CACHD1: variants seen among roughly 807,000 people sequenced by gnomAD.
CACHD1 encodes cache domain containing 1.
CACHD1 carries 71 observed loss-of-function variants against 138.7 expected under a neutral mutation model. That is an observed-to-expected ratio of 0.51 (90% confidence interval 0.42 to 0.62). CACHD1 has a LOEUF of 0.62. CACHD1 is among the 20% of genes least tolerant of loss of function. CACHD1 has a pLI of 0.00. For missense variants in CACHD1, 1,389 were observed against 1,625.3 expected (o/e 0.85, Z 2.50); for synonymous variants, 578 against 591.5 (o/e 0.98, Z 0.33).
rs769235180 is a variant in CACHD1 at position 64,675,505 on chromosome 1, C to T, written c.2832C>T (p.Asp944=). Residue 944 remains aspartate (D), a synonymous_variant, in exon 20 of 27, where the codon GAC becomes GAT. Transcript: ENST00000651257. ...TTGGCATTGTCAACGAAACCTGCGA[C>T]TCTCTTGCCTTCTGTGCCTGCAGCA... ...AFVGIVNETC[D]SLAFCACSMV... is the part of the protein sequence containing the mutation. 2 of 1,613,382 alleles carry T rather than the reference C, an allele frequency of 1.2e-6. No individual in the cohort carries two copies. The highest frequency in any genetic ancestry group is 1.7e-5 in the Admixed American group (1 of 60,002).
chr1:64,583,310 A>T (rs1647026300), intron 3 of CACHD1, among the ~76,000 whole-genome samples: 1 of 152,172 alleles, frequency 6.6e-6, no homozygotes, highest in South Asian at 2.1e-4. Flanking sequence ...AGAAACTCAT[A>T]CTAGTTGTTC....
intron 12 of CACHD1, among the ~76,000 whole-genome samples, chr1:64,657,152 C>T (rs78427215): frequency 0.013 from 1,905 of 152,250 alleles, 41 homozygotes; most frequent in African/African-American, 0.043. Context: ...AAGGTATTCA[C>T]ATGTTCCCAT....
At chr1:64,656,268 TACAC>T (rs1304112586) in intron 12 of CACHD1, among the ~76,000 whole-genome samples, 3 of 152,256 alleles carry the variant, frequency 2.0e-5, no homozygotes, top group African/African-American at 7.2e-5. Flanking sequence ...TGTTTGGTAA[TACAC>T]ATTTGAGGAA....
chr1:64,582,199 T>C lies in CACHD1; in HGVS notation c.305T>C (p.Val102Ala). The C allele has an allele frequency of 1.2e-6, 2 of 1,614,014 alleles. No individual in the cohort carries two copies. Among genetic ancestry groups the C allele is most frequent in the Non-Finnish European group, 1.7e-6 (2 of 1,179,894 alleles). Reference protein sequence around the residue: ...IREKFNRYLDVVNRNKQVVEA... With the variant: ...IREKFNRYLDAVNRNKQVVEA... ...GAGAAGTTCAACCGTTACTTGGATGTGGTCAATCGGAACAAGCAAGTTGTA... is the reference window on the plus strand; with the variant it reads ...GAGAAGTTCAACCGTTACTTGGATGCGGTCAATCGGAACAAGCAAGTTGTA... The change falls in exon 3 of 27, where the codon GTG (valine) becomes GCG (alanine). Residue 102 changes from valine (V) to alanine (A), a missense_variant. Val to Ala is a moderately conservative substitution (Grantham distance 64, BLOSUM62 0). This residue lies in a region of CACHD1 where 1,000 missense variants were observed against 1,114.7 expected (regional missense o/e 0.90). Coordinates refer to ENST00000651257, the MANE Select transcript of CACHD1 (RefSeq NM_020925.4).
chr1:64,528,447 T>C (rs965327462), intron 1 of CACHD1, among the ~76,000 whole-genome samples: 2 of 152,210 alleles, frequency 1.3e-5, no homozygotes, highest in East Asian at 3.8e-4. Context: ...TAGGGAATCT[T>C]AATTATTTTT....
At chr1:64,678,342 T>C (rs1382442681) in intron 23 of CACHD1, 32 bp downstream of exon 23, 2 of 1,524,328 alleles carry the variant, frequency 1.3e-6, no homozygotes, top group Non-Finnish European at 1.8e-6. Context: ...ACAATTTGAT[T>C]CTTGAATATA....
Position 64,627,194 on chromosome 1 carries a change from G to C in CACHD1, c.518-2161G>C, listed in dbSNP as rs541095835. 1.1e-3 allele frequency among the ~76,000 whole-genome samples: 163 copies of C among 152,106 alleles called. 2 individuals are homozygous for C. Among genetic ancestry groups the C allele is most frequent in the African/African-American group, 3.8e-3 (156 of 41,500 alleles). On this transcript the variant is annotated intron_variant, in intron 4 of 26. Transcript: ENST00000651257. ...GGCCAAGGCAGAAGGATCACTTGAG[G>C]CCACGAATTTGAGGCCAGCCTGGGC...
At chr1:64,689,141 C>T (rs1195353735) in intron 26 of CACHD1, among the ~76,000 whole-genome samples, 1 of 152,192 alleles carries the variant, frequency 6.6e-6, no homozygotes, top group Non-Finnish European at 1.5e-5. Context: ...AAGTACTAAC[C>T]AGGCCCGACC....
Position 64,673,178 on chromosome 1 carries a change from G to T in CACHD1, c.2531G>T (p.Arg844Met), listed in dbSNP as rs201954859. 3.6e-5 allele frequency: 58 copies of T among 1,613,302 alleles called. No individual in the cohort carries two copies. The highest frequency in any genetic ancestry group is 8.5e-7 in the Non-Finnish European group (1 of 1,179,954). The change falls in exon 18 of 27, where the codon AGG (arginine) becomes ATG (methionine). Residue 844 changes from arginine (R) to methionine (M), a missense_variant. Physicochemically the swap from Arg to Met is moderately conservative, Grantham distance 91. Transcript: ENST00000651257. ...TACAGGTGCTTCATAATGGAGGACA[G>T]GGGTTATCTGGTGGCGCACCCGACT... ...NKIRCFIMED[R>M]GYLVAHPTLI...
chr1:64,557,230 T>C (rs1481661157), intron 2 of CACHD1, among the ~76,000 whole-genome samples: 1 of 151,386 alleles, frequency 6.6e-6, no homozygotes, highest in Non-Finnish European at 1.5e-5. Flanking sequence ...AGTAGCAAAA[T>C]ATGGTCTGCA....
At chr1:64,475,767 C>G (rs1487152357) in intron 1 of CACHD1, among the ~76,000 whole-genome samples, 1 of 152,040 alleles carries the variant, frequency 6.6e-6, no homozygotes, top group Non-Finnish European at 1.5e-5. Flanking sequence ...CCAGGATGGT[C>G]TCGATTTCCT....
At chr1:64,526,386 A>C (rs1409310797) in intron 1 of CACHD1, among the ~76,000 whole-genome samples, 2 of 150,300 alleles carry the variant, frequency 1.3e-5, no homozygotes, top group African/African-American at 4.8e-5. Flanking sequence ...TAGGACTGCA[A>C]GTGCCTTTTT....
At chr1:64,634,018 G>GGT in intron 6 of CACHD1, 26 bp from the exon 7 acceptor site, 1 of 1,204,898 alleles carries the variant, frequency 8.3e-7, no homozygotes, top group Non-Finnish European at 1.1e-6. Flanking sequence ...AAGTTTGGTG[G>GGT]TTTTTTTTTT....
At chr1:64,654,571 C>G in intron 11 of CACHD1, 115 bp from the exon 12 acceptor site, 1 of 715,526 alleles carries the variant, frequency 1.4e-6, no homozygotes, top group East Asian at 2.5e-5. Context: ...TGATGAGCTT[C>G]TTTGGTATTC....
chr1:64,606,649 G>A (rs575685104), intron 4 of CACHD1, among the ~76,000 whole-genome samples: 6 of 152,306 alleles, frequency 3.9e-5, no homozygotes, highest in African/African-American at 1.4e-4. Flanking sequence ...ACTGGACAAG[G>A]CAAAGGTAGA....
At chr1:64,567,827 A>G (rs1473162627) in intron 2 of CACHD1, among the ~76,000 whole-genome samples, 1 of 152,228 alleles carries the variant, frequency 6.6e-6, no homozygotes, top group Non-Finnish European at 1.5e-5. Context: ...CAATGTAAGT[A>G]CTATGATGAA....
At chr1:64,690,511 C>G (rs1022166122) in intron 26 of CACHD1, among the ~76,000 whole-genome samples, 4 of 152,036 alleles carry the variant, frequency 2.6e-5, no homozygotes, top group African/African-American at 9.7e-5. Context: ...AGGGCATTTG[C>G]CTTTGAAACA....
intron 2 of CACHD1, among the ~76,000 whole-genome samples, chr1:64,581,701 G>A (rs1054808371): frequency 6.6e-6 from 1 of 152,160 alleles, no homozygotes; most frequent in African/African-American, 2.4e-5. Context: ...GACACTGAAT[G>A]TTGTTTCCTT....
intron 4 of CACHD1, among the ~76,000 whole-genome samples, chr1:64,618,523 G>A (rs1399333331): frequency 6.6e-6 from 1 of 152,152 alleles, no homozygotes; most frequent in Non-Finnish European, 1.5e-5. Context: ...ATGGTCAAGT[G>A]TTCAATATGC....
Sources: allele counts gnomAD v4.1 joint callset (sites outside exome capture counted in the v4.1 genomes callset), GRCh38; gene constraint gnomAD v4.1.1; regional missense constraint gnomAD v4.1.1; transcripts MANE v1.5; gene names NCBI Gene and HGNC (gene_info 2026-07-23, HGNC 2026-07-21).